NEGR1: variants seen among roughly 807,000 people sequenced by gnomAD.
NEGR1 encodes the protein IgLON family member 4.
NEGR1 carries 10 observed loss-of-function variants against 40.9 expected under a neutral mutation model. The observed-to-expected ratio is 0.24, with a 90% CI of 0.15 to 0.42. The LOEUF (loss-of-function observed/expected upper bound fraction) is 0.42, where lower values mean the gene tolerates loss of function less well. Among genes scored for constraint, NEGR1 ranks in the 10% least tolerant of loss-of-function variants. NEGR1 has a pLI of 1.00. For synonymous variants in NEGR1, 185 were observed against 166.8 expected (o/e 1.11, Z -0.84); for missense variants, 352 against 438.9 (o/e 0.80, Z 1.77).
chr1:72,122,563 G>A (rs540453721), intron 1 of NEGR1, among the ~76,000 whole-genome samples: 4 of 151,946 alleles, frequency 2.6e-5, no homozygotes, highest in African/African-American at 9.6e-5. Flanking sequence ...TGTTATGTAT[G>A]TGTGTATATT....
chr1:71,985,016 G>T (rs1330008390), intron 1 of NEGR1, among the ~76,000 whole-genome samples: 1 of 152,016 alleles, frequency 6.6e-6, no homozygotes, highest in Non-Finnish European at 1.5e-5. Context: ...GGAACTTGAG[G>T]CAAAAAGAAG....
chr1:72,240,925 T>C (rs1181684853), intron 1 of NEGR1, among the ~76,000 whole-genome samples: 1 of 151,718 alleles, frequency 6.6e-6, no homozygotes, highest in African/African-American at 2.4e-5. Flanking sequence ...TTCCTAACTT[T>C]AAACAGTCTT....
At position 72,102,800 on chromosome 1, in the gene NEGR1, GGAAT is replaced by G. The variant is rs1648995296; in HGVS notation, c.177-167493_177-167490del. Reference sequence around the variant, plus strand: ...AATTATTGCTCATTTTATTGCTGAAGGAATAATACAGAAATTCAAATGAATCCAA... The same window carrying G: ...AATTATTGCTCATTTTATTGCTGAAGAATACAGAAATTCAAATGAATCCAA... On this transcript the variant is annotated intron_variant, in intron 1 of 6. Coordinates refer to ENST00000357731, the MANE Select transcript of NEGR1 (RefSeq NM_173808.3). Among the ~76,000 whole-genome samples, 3 of 151,958 alleles carry G rather than the reference GGAAT, an allele frequency of 2.0e-5. No homozygotes were observed. In the South Asian group the frequency reaches 6.2e-4, roughly 32 times the overall value.
intron 2 of NEGR1, among the ~76,000 whole-genome samples, chr1:71,907,855 C>T (rs1452249475): frequency 6.6e-6 from 1 of 152,108 alleles, no homozygotes; most frequent in Non-Finnish European, 1.5e-5. Context: ...TTTGCAGCAA[C>T]ATGGATGCAG....
At chr1:71,670,419 G>C (rs1471214276) in intron 4 of NEGR1, among the ~76,000 whole-genome samples, 2 of 152,058 alleles carry the variant, frequency 1.3e-5, no homozygotes, top group African/African-American at 4.8e-5. Flanking sequence ...GATGTACTTA[G>C]CATAGATATC....
chr1:71,671,496 A>C (rs1014544259), intron 4 of NEGR1, among the ~76,000 whole-genome samples: 25 of 152,212 alleles, frequency 1.6e-4, no homozygotes, highest in African/African-American at 6.0e-4. Context: ...GTAAACAAAG[A>C]GGAAATAACA....
At chr1:72,238,657 T>C (rs1570161000) in intron 1 of NEGR1, among the ~76,000 whole-genome samples, 1 of 151,870 alleles carries the variant, frequency 6.6e-6, no homozygotes, top group Non-Finnish European at 1.5e-5. Context: ...TAGAAATCCT[T>C]GGATCCTACT....
intron 3 of NEGR1, among the ~76,000 whole-genome samples, chr1:71,771,070 G>C (rs945576706): frequency 6.6e-6 from 1 of 152,152 alleles, no homozygotes; most frequent in Non-Finnish European, 1.5e-5. Context: ...ATCAATGATA[G>C]ACTGGATAAA....
chr1:71,869,910 C>G (rs560467537), intron 2 of NEGR1, among the ~76,000 whole-genome samples: 84 of 146,830 alleles, frequency 5.7e-4, no homozygotes, highest in Non-Finnish European at 1.0e-3. Context: ...GACAGAGTCT[C>G]CCTCTGTCAC....
intron 6 of NEGR1, among the ~76,000 whole-genome samples, chr1:71,464,388 AAAGAT>A (rs1646732335): frequency 6.8e-6 from 1 of 146,072 alleles, no homozygotes; most frequent in South Asian, 2.3e-4. Flanking sequence ...AACTGAAAGT[AAAGAT>A]AACTAGAGAA....
rs1286233068 is a variant in NEGR1, at chr1:72,177,793, C to T, written c.176+104526G>A. ...TTGTTTTTTTTTTTTTGCTGTTGTT[C>T]AAGCCTTCTAAAAATTTCAATACAC... On this transcript the variant is annotated intron_variant, in intron 1 of 6. Transcript: ENST00000357731. 8.5e-4 allele frequency among the ~76,000 whole-genome samples: 124 copies of T among 145,206 alleles called. 2 individuals are homozygous for T. The highest frequency in any genetic ancestry group is 2.7e-4 in the Non-Finnish European group (18 of 66,278).
chr1:71,431,102 A>T (rs1646465366), intron 6 of NEGR1, among the ~76,000 whole-genome samples: 1 of 144,186 alleles, frequency 6.9e-6, no homozygotes, highest in Non-Finnish European at 1.5e-5. Flanking sequence ...TTATGATCAT[A>T]AAAAAGGTCA....
chr1:71,573,709 C>A (rs1228909729), intron 6 of NEGR1, among the ~76,000 whole-genome samples: 2 of 152,060 alleles, frequency 1.3e-5, no homozygotes, highest in African/African-American at 4.8e-5. Flanking sequence ...ATGTTGTAGT[C>A]TCTTATATTT....
At chr1:71,576,549 G>A (rs1051614164) in intron 6 of NEGR1, among the ~76,000 whole-genome samples, 4 of 152,088 alleles carry the variant, frequency 2.6e-5, no homozygotes, top group Non-Finnish European at 4.4e-5. Context: ...ACAAGGAAGG[G>A]CAGGCCTAGA....
At chr1:71,888,448 G>C (rs1168285108) in intron 2 of NEGR1, among the ~76,000 whole-genome samples, 32 of 151,944 alleles carry the variant, frequency 2.1e-4, no homozygotes. Flanking sequence ...GTCAAAGAAA[G>C]GGGTGACGGA....
At chr1:71,845,352 A>T (rs932054672) in intron 2 of NEGR1, among the ~76,000 whole-genome samples, 1 of 152,150 alleles carries the variant, frequency 6.6e-6, no homozygotes, top group South Asian at 2.1e-4. Context: ...ATAAGTAATT[A>T]AAGTTATTAT....
chr1:71,611,092 C>G lies in NEGR1; in HGVS notation c.722G>C (p.Gly241Ala). 1 of 1,613,878 alleles carries G rather than the reference C, an allele frequency of 6.2e-7. No homozygotes were observed. The highest frequency in any genetic ancestry group is 1.1e-5 in the South Asian group (1 of 91,066). ...ACCTGCACCTTCACATCTTATCAGG[C>G]CACTGCGTCCGGGGGTCACGGTGCC... Reference protein sequence around the residue: ...KSGTVTPGRSGLIRCEGAGVP... With the variant: ...KSGTVTPGRSALIRCEGAGVP... The change falls in exon 5 of 7, where the codon GGC (glycine) becomes GCC (alanine). Residue 241 changes from glycine to alanine, a missense_variant. Coordinates refer to ENST00000357731, the MANE Select transcript of NEGR1 (RefSeq NM_173808.3).
At chr1:71,767,047 C>T (rs914762888) in intron 3 of NEGR1, among the ~76,000 whole-genome samples, 1 of 152,130 alleles carries the variant, frequency 6.6e-6, no homozygotes, top group African/African-American at 2.4e-5. Flanking sequence ...ATTATGCAGT[C>T]TCGGGTATTT....
chr1:71,550,407 C>G (rs1027930519), intron 6 of NEGR1, among the ~76,000 whole-genome samples: 1 of 151,558 alleles, frequency 6.6e-6, no homozygotes, highest in African/African-American at 2.4e-5. Flanking sequence ...TTTAAAGGAT[C>G]TTTCCTAACT....
Sources: gnomAD v4.1 joint callset for allele counts (sites outside exome capture counted in the v4.1 genomes callset) on GRCh38, gnomAD v4.1.1 for gene constraint, MANE v1.5 for transcripts, NCBI Gene and HGNC (gene_info 2026-07-23, HGNC 2026-07-21) for gene names.